Variants in NCSTN observed in about 807,000 individuals in gnomAD.
NCSTN encodes the protein anterior pharynx-defective 2.
In NCSTN, 22 loss-of-function variants were observed where a neutral mutation model predicts 87.0. The observed-to-expected ratio is 0.25, with a 90% CI of 0.18 to 0.36. NCSTN has a LOEUF of 0.36. NCSTN is among the 10% of genes least tolerant of loss of function. The pLI, the probability that NCSTN is intolerant of heterozygous loss-of-function variation, is 1.00. For missense variants in NCSTN, 693 were observed against 883.3 expected (o/e 0.78, Z 2.73); for synonymous variants, 306 against 327.1 (o/e 0.94, Z 0.69).
intron 2 of NCSTN, among the ~76,000 whole-genome samples, chr1:160,347,422 T>C (rs1648558464): frequency 6.6e-6 from 1 of 152,226 alleles, no homozygotes; most frequent in Non-Finnish European, 1.5e-5. Flanking sequence ...CTTCTATCCT[T>C]TCTTCCTTCT....
Position 160,349,628 on chromosome 1 carries a change from T to C in NCSTN, c.394T>C (p.Ser132Pro). ...AVSLTKPSPA[S>P]GFSPSVQCPN... ...GTCCTTGACCAAGCCCAGTCCTGCC[T>C]CAGGCTTCTCTCCTAGTGTACAGTG... is the stretch of plus-strand genomic sequence containing the variant. The change falls in exon 4 of 17, where the codon TCA becomes CCA. Residue 132 changes from serine (S) to proline (P), a missense_variant. Ser to Pro is a moderately conservative substitution (Grantham distance 74). Transcript: ENST00000294785. 1 of 1,614,162 alleles carries C rather than the reference T, an allele frequency of 6.2e-7. No individual in the cohort carries two copies. The highest frequency in any genetic ancestry group is 8.5e-7 in the Non-Finnish European group (1 of 1,180,020).
chr1:160,343,721 G>A (rs1288425759), intron 1 of NCSTN: 1 of 702,014 alleles, frequency 1.4e-6, no homozygotes, highest in South Asian at 1.5e-5. Flanking sequence ...CCTGGACTTC[G>A]AGCCTGACCC....
chr1:160,343,976 T>TTTTC (rs1165425906), intron 1 of NCSTN: 78 of 250,728 alleles, frequency 3.1e-4, no homozygotes, highest in African/African-American at 2.1e-3. Context: ...TTTTTTTTTT[T>TTTTC]AATCAGTAAA....
chr1:160,348,307 G>A (rs1648626995), intron 2 of NCSTN, among the ~76,000 whole-genome samples: 1 of 152,168 alleles, frequency 6.6e-6, no homozygotes, highest in South Asian at 2.1e-4. Flanking sequence ...TATTTGTATA[G>A]CATCCTGGCA....
intron 5 of NCSTN, among the ~76,000 whole-genome samples, chr1:160,350,770 CT>C (rs763327698): frequency 2.6e-5 from 4 of 152,088 alleles, no homozygotes; most frequent in Non-Finnish European, 5.9e-5. Context: ...TTCTGAGCTT[CT>C]TTTTAGCTCT....
intron 11 of NCSTN, among the ~76,000 whole-genome samples, chr1:160,355,307 C>T (rs1250720550): frequency 6.6e-6 from 1 of 152,232 alleles, no homozygotes; most frequent in Non-Finnish European, 1.5e-5. Context: ...AGTTATACAA[C>T]TGATCTCATG....
intron 2 of NCSTN, among the ~76,000 whole-genome samples, chr1:160,348,289 G>A (rs989139824): frequency 3.9e-5 from 6 of 152,208 alleles, no homozygotes; most frequent in Admixed American, 3.9e-4. Context: ...GAGACACATA[G>A]AAAATGTTAT....
At chr1:160,352,817 T>C in intron 8 of NCSTN, 70 bp from the exon 9 acceptor site, 1 of 1,205,304 alleles carries the variant, frequency 8.3e-7, no homozygotes, top group South Asian at 1.2e-5. Flanking sequence ...TTTGATGATC[T>C]GGCCGCCTTC....
In NCSTN at chr1:160,352,157, C is replaced by A. The variant is rs1394427256; in HGVS notation, c.947C>A (p.Pro316His). The change falls in exon 8 of 17, where the codon CCT becomes CAT. Residue 316 changes from proline to histidine, a missense_variant. Around this residue, in one of 4 missense-constraint regions of NCSTN, gnomAD observed 134 missense variants for 226.0 expected, o/e 0.59. Coordinates refer to ENST00000294785, the MANE Select transcript of NCSTN (RefSeq NM_015331.3). ...LAAAEALQKA[P>H]DVTTLPRNVM... ...GCTGCTGAAGCTTTGCAAAAGGCAC[C>A]TGATGTGACCACCCTGCCCCGCAAT... is the stretch of plus-strand genomic sequence containing the variant. 1 of 1,614,210 alleles carries A rather than the reference C, an allele frequency of 6.2e-7. No individual in the cohort carries two copies. The highest frequency in any genetic ancestry group is 1.1e-5 in the South Asian group (1 of 91,086).
Position 160,349,656 on chromosome 1 carries a change from C to T in NCSTN, c.422C>T (p.Pro141Leu). 6.2e-7 allele frequency: 1 copy of T among 1,613,992 alleles called. No homozygotes were observed. Among genetic ancestry groups the T allele is most frequent in the Non-Finnish European group, 8.5e-7 (1 of 1,180,022 alleles). The change falls in exon 4 of 17, where the codon CCA becomes CTA. Residue 141 changes from proline to leucine, a missense_variant. Physicochemically the swap from Pro to Leu is moderately conservative, Grantham distance 98. This residue lies in a region of NCSTN where 235 missense variants were observed against 233.9 expected (regional missense o/e 1.00). Coordinates refer to ENST00000294785, the MANE Select transcript of NCSTN (RefSeq NM_015331.3). ...ASGFSPSVQC[P>L]NDGFGVYSNS... is the part of the protein sequence containing the mutation. ...GGCTTCTCTCCTAGTGTACAGTGCC[C>T]AAATGATGGGTTTGGTAAGTGTCCC...
intron 2 of NCSTN, among the ~76,000 whole-genome samples, chr1:160,345,938 G>GAAAAAAAAAAAAAAA (rs56358787): frequency 1.7e-5 from 1 of 59,808 alleles, no homozygotes; most frequent in Admixed American, 2.4e-4. Context: ...GACACTGTCT[G>GAAAAAAAAAAAAAAA]AAAAAAAAAA....
chr1:160,353,589 G>T (rs761438093), intron 10 of NCSTN: 1 of 1,215,252 alleles, frequency 8.2e-7, no homozygotes. Context: ...TGTCACACTC[G>T]CTGCCCAACT....
Position 160,349,086 on chromosome 1 carries a change from C to G in NCSTN, c.278C>G (p.Pro93Arg), listed in dbSNP as rs780372534. Residue 93 changes from proline (P) to arginine (R), a missense_variant, in exon 3 of 17, where the codon CCT (proline) becomes CGT (arginine). This residue lies in a region of NCSTN where 235 missense variants were observed against 233.9 expected (regional missense o/e 1.00). Coordinates refer to ENST00000294785, the MANE Select transcript of NCSTN (RefSeq NM_015331.3). The stretch of plus-strand genomic sequence containing the variant: ...GTATTGACTGATGGCCCCAACCCCC[C>G]TTACATGGTTCTGCTGGAGAGCAAG... Reference protein sequence around the residue: ...QWVLTDGPNPPYMVLLESKHF... With the variant: ...QWVLTDGPNPRYMVLLESKHF... 4 of 1,614,086 alleles carry G rather than the reference C, an allele frequency of 2.5e-6. No individual in the cohort carries two copies. In the South Asian group the frequency reaches 4.4e-5, roughly 18 times the overall value.
intron 15 of NCSTN, 58 bp downstream of exon 15, chr1:160,356,812 A>G: frequency 6.2e-7 from 1 of 1,603,514 alleles, no homozygotes; most frequent in Admixed American, 1.7e-5. Flanking sequence ...GGAAAGTTGG[A>G]GGTTCTTCTA....
In NCSTN at chr1:160,357,184, T is replaced by A. The variant is rs114888322; in HGVS notation, c.1938T>A (p.Ser646=). 36 of 1,614,172 alleles carry A rather than the reference T, an allele frequency of 2.2e-5. No homozygotes were observed. Among genetic ancestry groups the A allele is most frequent in the Non-Finnish European group, 3.1e-5 (36 of 1,180,024 alleles). ...GTCAGTGGAGCTCTACTGAATACTC[T>A]ACATGGACTGAGAGCCGCTGGAAAG... The part of the protein sequence containing the change: ...ELSQWSSTEY[S]TWTESRWKDI... The change falls in exon 16 of 17, where the codon TCT becomes TCA. Residue 646 remains serine, a synonymous_variant. Transcript: ENST00000294785.
At position 160,349,560 on chromosome 1, in the gene NCSTN, A is replaced by AT; in HGVS notation, c.326_327insT (p.Glu109AspfsTer29). 6.2e-7 allele frequency: 1 copy of AT among 1,614,118 alleles called. No homozygotes were observed. Among genetic ancestry groups the AT allele is most frequent in the Non-Finnish European group, 8.5e-7 (1 of 1,180,022 alleles). ...CTTTCCTATTCCAGGGATTTAATGGAGAAGCTGAAAGGGAGAACCAGCCGA... is the reference window on the plus strand; with the variant it reads ...CTTTCCTATTCCAGGGATTTAATGGATGAAGCTGAAAGGGAGAACCAGCCGA... On this transcript the variant is annotated frameshift_variant, in exon 4 of 17. Coordinates refer to ENST00000294785, the MANE Select transcript of NCSTN (RefSeq NM_015331.3). LOFTEE classifies it high-confidence loss of function.
At chr1:160,351,123 T>C (rs1648813085) in intron 5 of NCSTN, 99 bp from the exon 6 acceptor site, 1 of 1,255,830 alleles carries the variant, frequency 8.0e-7, no homozygotes, top group South Asian at 1.2e-5. Flanking sequence ...AGGGTGTGGC[T>C]CCATCCCAAA....
chr1:160,344,202 A>G lies in NCSTN; in HGVS notation c.86-520A>G, dbSNP rs184847163. On this transcript the variant is annotated intron_variant, in intron 1 of 16. Transcript: ENST00000294785. Reference sequence around the variant, plus strand: ...ATTCACATTGTTTTTAAGGATCCTCAAAGGAGAAACTACAGCTGCCCCACA... The same window carrying G: ...ATTCACATTGTTTTTAAGGATCCTCGAAGGAGAAACTACAGCTGCCCCACA... 4.7e-4 allele frequency among the ~76,000 whole-genome samples: 72 copies of G among 152,204 alleles called. 1 individual carries two copies. The highest frequency in any genetic ancestry group is 6.8e-4 in the Non-Finnish European group (46 of 68,012).
rs1002956753 is a variant in NCSTN, at chr1:160,351,492, C to T, written c.733+120C>T. On this transcript the variant is annotated intron_variant, in intron 6 of 16. Transcript: ENST00000294785. Reference sequence around the variant, plus strand: ...GAGTAGACACCATGAAGGAGCTCTGCATGGGAGAACTAGAAACAATTCTGA... The same window carrying T: ...GAGTAGACACCATGAAGGAGCTCTGTATGGGAGAACTAGAAACAATTCTGA... 1.3e-5 allele frequency: 17 copies of T among 1,358,226 alleles called. No individual in the cohort carries two copies. In the African/African-American group the frequency reaches 1.7e-4, roughly 14 times the overall value. 84.1% of individuals were successfully genotyped at this position (1,358,226 alleles called of 1,614,324 possible).
Sources: allele counts gnomAD v4.1 joint callset (sites outside exome capture counted in the v4.1 genomes callset), GRCh38; gene constraint gnomAD v4.1.1; regional missense constraint gnomAD v4.1.1; transcripts MANE v1.5; gene names NCBI Gene and HGNC (gene_info 2026-07-23, HGNC 2026-07-21).